Variants in RBFOX1 observed in about 807,000 individuals in gnomAD.
The protein encoded by RBFOX1 is RNA binding protein fox-1 homolog 1.
In RBFOX1, 8 loss-of-function variants were observed where a neutral mutation model predicts 57.7. The observed-to-expected ratio is 0.14, with a 90% confidence interval of 0.08 to 0.25. The LOEUF (loss-of-function observed/expected upper bound fraction) is 0.25, where lower values mean the gene tolerates loss of function less well. Ranked by LOEUF, RBFOX1 falls within the 10% of genes least tolerant of loss-of-function variation. The pLI, the probability that RBFOX1 is intolerant of heterozygous loss-of-function variation, is 1.00. For missense variants in RBFOX1, 611 were observed against 548.5 expected (o/e 1.11, Z -1.14); for synonymous variants, 326 against 222.4 (o/e 1.47, Z -4.15).
chr16:6,210,867 C>G (rs1026873371), intron 1 of RBFOX1, among the ~76,000 whole-genome samples: 11 of 152,144 alleles, frequency 7.2e-5, no homozygotes, highest in African/African-American at 2.4e-4. Flanking sequence ...TGCAATAGCC[C>G]TAGAGGTGTC....
intron 4 of RBFOX1, among the ~76,000 whole-genome samples, chr16:7,280,229 T>A (rs949587605): frequency 3.3e-5 from 5 of 152,218 alleles, no homozygotes; most frequent in African/African-American, 1.2e-4. Context: ...CTTGCCTTCA[T>A]TGCAAAATGA....
intron 2 of RBFOX1, among the ~76,000 whole-genome samples, chr16:6,367,667 T>A (rs2089850881): frequency 1.3e-5 from 2 of 151,550 alleles, no homozygotes; most frequent in Non-Finnish European, 2.9e-5. Flanking sequence ...GGAGCTGGGG[T>A]GTTTTGCTTT....
chr16:5,318,519 A>T (rs1301146344), intron 1 of RBFOX1, among the ~76,000 whole-genome samples: 1 of 152,094 alleles, frequency 6.6e-6, no homozygotes, highest in Admixed American at 6.5e-5. Flanking sequence ...CCCTCCCTGC[A>T]CTCTGTGGAT....
intron 4 of RBFOX1, among the ~76,000 whole-genome samples, chr16:7,083,498 A>G (rs2059513924): frequency 2.0e-5 from 3 of 152,274 alleles, no homozygotes; most frequent in Admixed American, 6.5e-5. Flanking sequence ...CCACTGGTGT[A>G]TCAGAGGCCA....
Position 5,423,965 on chromosome 16 carries a change from C to G in RBFOX1, c.220-43251C>G, listed in dbSNP as rs527771578. 1.8e-3 allele frequency among the ~76,000 whole-genome samples: 267 copies of G among 152,292 alleles called. 1 individual carries two copies. Among genetic ancestry groups the G allele is most frequent in the African/African-American group, 6.3e-3 (260 of 41,564 alleles). On this transcript the variant is annotated intron_variant, in intron 1 of 2. Coordinates refer to the RBFOX1 transcript ENST00000585867. ...GTTTTCTGGGCATTATTACCCGAAG[C>G]TCGGGGCTTTGCAATTCCCATTTCT...
rs543243429 is a variant in RBFOX1, at chr16:7,709,212, G to A, written c.1071+81G>A. ...AGCTGGGACCTCAGTACGGGTTGAC[G>A]TCCTCTCACTTCCCGTTAATTGAAT... is the stretch of plus-strand genomic sequence containing the variant. On this transcript the variant is annotated intron_variant, in intron 15 of 15. Coordinates refer to ENST00000550418, the MANE Select transcript of RBFOX1 (RefSeq NM_018723.4). 582 of 1,305,292 alleles carry A rather than the reference G, an allele frequency of 4.5e-4. 4 individuals carry two copies. In the African/African-American group the frequency reaches 7.7e-3, roughly 17 times the overall value. The allele number at this position is 1,305,292 out of a possible 1,614,324, so 80.9% of individuals were successfully genotyped here. A position where few individuals can be genotyped will look rare whatever the true frequency, so the allele number is the denominator to read the frequency against.
At chr16:5,424,951 C>CCTTTCTTTGTTT (rs61009067) in intron 1 of RBFOX1, among the ~76,000 whole-genome samples, 1 of 79,702 alleles carries the variant, frequency 1.3e-5, no homozygotes, top group East Asian at 3.4e-4. Context: ...CTTCTTTCTT[C>CCTTTCTTTGTTT]CTTTGTTTCT....
At chr16:5,472,427 G>A (rs564373308) in intron 2 of RBFOX1, among the ~76,000 whole-genome samples, 5 of 152,138 alleles carry the variant, frequency 3.3e-5, no homozygotes, top group Admixed American at 6.5e-5. Flanking sequence ...TTAGATAGGC[G>A]AATAACCTTC....
intron 1 of RBFOX1, among the ~76,000 whole-genome samples, chr16:6,039,142 G>T (rs2095408439): frequency 6.6e-6 from 1 of 151,838 alleles, no homozygotes; most frequent in Non-Finnish European, 1.5e-5. Context: ...TGAAATCAGT[G>T]GAAAACCAGC....
At chr16:6,386,354 G>C (rs933186970) in intron 2 of RBFOX1, among the ~76,000 whole-genome samples, 10 of 149,868 alleles carry the variant, frequency 6.7e-5, no homozygotes, top group Non-Finnish European at 1.2e-4. Flanking sequence ...TCTTGTGTGA[G>C]CCTTTCTTTA....
chr16:5,454,867 T>C (rs1024762537), intron 1 of RBFOX1, among the ~76,000 whole-genome samples: 6 of 51,800 alleles, frequency 1.2e-4, no homozygotes, highest in Non-Finnish European at 1.8e-4. Flanking sequence ...TCTTTCTTTC[T>C]TTCTTTCTTT....
At position 7,065,971 on chromosome 16, in the gene RBFOX1, C is replaced by A. The variant is rs77823123; in HGVS notation, c.27+13873C>A. On this transcript the variant is annotated intron_variant, in intron 4 of 15. Transcript: ENST00000550418. Reference sequence around the variant, plus strand: ...ACAGTAACTTGTGTAAAACCCTATACCCAGAGAATAACAAATAAATAACAA... The same window carrying A: ...ACAGTAACTTGTGTAAAACCCTATAACCAGAGAATAACAAATAAATAACAA... 0.014 allele frequency among the ~76,000 whole-genome samples: 2,109 copies of A among 152,142 alleles called. 100 individuals carry two copies. In the East Asian group the frequency reaches 0.16, roughly 12 times the overall value.
intron 1 of RBFOX1, among the ~76,000 whole-genome samples, chr16:6,188,573 A>G (rs912609140): frequency 9.9e-5 from 15 of 152,220 alleles, no homozygotes; most frequent in African/African-American, 3.1e-4. Context: ...AACAATCAAT[A>G]TATTTTGTTT....
At chr16:5,580,144 C>T (rs868161135) in intron 2 of RBFOX1, among the ~76,000 whole-genome samples, 6 of 152,180 alleles carry the variant, frequency 3.9e-5, no homozygotes, top group Non-Finnish European at 8.8e-5. Context: ...GACTCTGCCT[C>T]CCTCGTTCCC....
intron 4 of RBFOX1, among the ~76,000 whole-genome samples, chr16:7,316,311 C>T (rs1187635170): frequency 6.6e-6 from 1 of 152,146 alleles, no homozygotes; most frequent in Admixed American, 6.5e-5. Flanking sequence ...AAGAGAAATG[C>T]TATGTTTTTA....
intron 3 of RBFOX1, among the ~76,000 whole-genome samples, chr16:6,748,496 C>T (rs749480851): frequency 3.3e-5 from 5 of 152,048 alleles, no homozygotes; most frequent in East Asian, 1.9e-4. Flanking sequence ...TCCCGTCTCT[C>T]CAAAAAATAA....
At chr16:6,482,105 C>T (rs971366855) in intron 2 of RBFOX1, among the ~76,000 whole-genome samples, 1 of 152,054 alleles carries the variant, frequency 6.6e-6, no homozygotes, top group Non-Finnish European at 1.5e-5. Context: ...TGCATAAAAT[C>T]CTAATCAGTT....
intron 3 of RBFOX1, among the ~76,000 whole-genome samples, chr16:5,849,790 C>G (rs904814009): frequency 1.3e-5 from 2 of 152,144 alleles, no homozygotes. Context: ...TCTCTTCCCA[C>G]GTCTTTGGAA....
At chr16:6,855,806 C>A (rs76155914) in intron 3 of RBFOX1, among the ~76,000 whole-genome samples, 12,753 of 151,504 alleles carry the variant, frequency 0.084, 610 homozygotes, top group South Asian at 0.11. Flanking sequence ...AAATTTCCTT[C>A]TTCCCTTCCT....
Sources: gnomAD v4.1 joint callset for allele counts (sites outside exome capture counted in the v4.1 genomes callset) on GRCh38, gnomAD v4.1.1 for gene constraint, MANE v1.5 for transcripts, NCBI Gene and HGNC (gene_info 2026-07-23, HGNC 2026-07-21) for gene names.